Variants in CLVS1 observed in about 807,000 individuals in gnomAD.
CLVS1 encodes the protein clavesin 1.
A neutral mutation model predicts 33.1 loss-of-function variants in CLVS1; 10 were observed. The observed-to-expected ratio is 0.30, with a 90% CI of 0.19 to 0.51. The LOEUF is 0.51. Among genes scored for constraint, CLVS1 ranks in the 20% least tolerant of loss-of-function variants. CLVS1 has a pLI of 0.97. For missense variants in CLVS1, 343 were observed against 433.4 expected (o/e 0.79, Z 1.85); for synonymous variants, 163 against 166.1 (o/e 0.98, Z 0.14).
At chr8:61,279,265 A>G (rs1447086891) in intron 2 of CLVS1, among the ~76,000 whole-genome samples, 6 of 152,174 alleles carry the variant, frequency 3.9e-5, no homozygotes, top group Non-Finnish European at 7.4e-5. Context: ...GCTTCCCATC[A>G]GGCAGTGAGG....
chr8:61,056,229 G>A (rs185136562), upstream of CLVS1, among the ~76,000 whole-genome samples: 21 of 152,344 alleles, frequency 1.4e-4, no homozygotes, highest in Admixed American at 3.9e-4. Context: ...CAGTGGCCAA[G>A]TTCTTACACC....
rs201489796 is a variant in CLVS1 at position 61,458,465 on chromosome 8, C to T, written c.900C>T (p.His300=). The T allele has an allele frequency of 1.2e-5, 20 of 1,613,890 alleles. No individual in the cohort carries two copies. Among genetic ancestry groups the T allele is most frequent in the East Asian group, 2.2e-5 (1 of 44,880 alleles). ...ACAGCGATGAAAATGACTATACTCACACATCCTATAATGCAATGCACGTGA... is the reference window on the plus strand; with the variant it reads ...ACAGCGATGAAAATGACTATACTCATACATCCTATAATGCAATGCACGTGA... ...PDYSDENDYT[H]TSYNAMHVKH... Residue 300 remains histidine (H), a synonymous_variant, in exon 5 of 6, where the codon CAC becomes CAT. Transcript: ENST00000325897.
intron 1 of CLVS1, among the ~76,000 whole-genome samples, chr8:61,066,708 C>A (rs746817258): frequency 1.3e-5 from 2 of 152,184 alleles, no homozygotes; most frequent in African/African-American, 4.8e-5. Context: ...TGTACACATT[C>A]TCAATGTACA....
intron 5 of CLVS1, among the ~76,000 whole-genome samples, chr8:61,476,287 T>C (rs1278232856): frequency 1.3e-5 from 2 of 152,226 alleles, no homozygotes; most frequent in East Asian, 1.9e-4. Flanking sequence ...TGGGCTCTTT[T>C]TGGGTTCCAT....
At chr8:61,012,363 A>G in the CLVS1 span, among the ~76,000 whole-genome samples, 4 of 152,228 alleles carry the variant, frequency 2.6e-5, no homozygotes, top group Admixed American at 2.6e-4. Context: ...TTAGTACCTT[A>G]CATACATTTT....
chr8:61,155,228 C>T (rs1032606836), intron 2 of CLVS1, among the ~76,000 whole-genome samples: 1 of 152,294 alleles, frequency 6.6e-6, no homozygotes, highest in South Asian at 2.1e-4. Context: ...CTAAAGGATA[C>T]GCATAGCACC....
intron 3 of CLVS1, among the ~76,000 whole-genome samples, chr8:61,431,027 A>G (rs190369520): frequency 3.9e-4 from 60 of 152,334 alleles, no homozygotes; most frequent in Middle Eastern, 3.4e-3. Flanking sequence ...CTTGCTCCCT[A>G]GAACTGTATG....
At position 61,119,208 on chromosome 8, in the gene CLVS1, TG is replaced by T. The variant is rs1234116711; in HGVS notation, c.-242-12561del. Among the ~76,000 whole-genome samples the T allele has an allele frequency of 2.0e-5, 3 of 152,342 alleles. No individual in the cohort carries two copies. In the East Asian group the frequency reaches 5.8e-4, roughly 29 times the overall value. ...TAGGATGGCAACCCCTGCCTTTATT[TG>T]TTTTCCATTTGCTTGGTAGATCTTC... On this transcript the variant is annotated intron_variant, in intron 1 of 2. Coordinates refer to the CLVS1 transcript ENST00000522621.
At chr8:61,010,640 A>C in the CLVS1 span, among the ~76,000 whole-genome samples, 3 of 152,170 alleles carry the variant, frequency 2.0e-5, no homozygotes, top group African/African-American at 7.2e-5. Flanking sequence ...TTAATGGTGG[A>C]GATGAGGGGG....
intron 2 of CLVS1, chr8:61,202,964 C>G: frequency 6.9e-7 from 1 of 1,456,314 alleles, no homozygotes; most frequent in Non-Finnish European, 9.5e-7. Context: ...GCACAAAAGT[C>G]AAATCAGAAT....
chr8:61,245,528 A>C (rs1249483715), intron 2 of CLVS1, among the ~76,000 whole-genome samples: 1 of 151,974 alleles, frequency 6.6e-6, no homozygotes, highest in African/African-American at 2.4e-5. Context: ...TTATTTTAAC[A>C]TTAAATCTGA....
At chr8:61,351,855 G>A (rs1812479773) in intron 2 of CLVS1, among the ~76,000 whole-genome samples, 1 of 151,788 alleles carries the variant, frequency 6.6e-6, no homozygotes, top group Non-Finnish European at 1.5e-5. Context: ...CAGAAATAAA[G>A]AAGAAATAAA....
chr8:61,031,109 T>G, the CLVS1 span, among the ~76,000 whole-genome samples: 1 of 151,964 alleles, frequency 6.6e-6, no homozygotes, highest in African/African-American at 2.4e-5. Context: ...AGAATTTTGG[T>G]GAGAGGAAGG....
chr8:61,060,741 C>A (rs142684602), intron 1 of CLVS1, among the ~76,000 whole-genome samples: 33 of 152,228 alleles, frequency 2.2e-4, no homozygotes, highest in African/African-American at 7.9e-4. Flanking sequence ...TAATTTACTT[C>A]TTTCAAGAAA....
intron 2 of CLVS1, among the ~76,000 whole-genome samples, chr8:61,223,783 G>T (rs1343149588): frequency 6.6e-6 from 1 of 152,156 alleles, no homozygotes; most frequent in African/African-American, 2.4e-5. Context: ...TTTCCATCTT[G>T]TTTCCATTCT....
chr8:61,233,712 C>T (rs989179401), intron 2 of CLVS1, among the ~76,000 whole-genome samples: 1 of 152,208 alleles, frequency 6.6e-6, no homozygotes, highest in Non-Finnish European at 1.5e-5. Flanking sequence ...AGCCTGCCCT[C>T]CTGGCTGGGA....
the CLVS1 span, among the ~76,000 whole-genome samples, chr8:61,044,505 A>T: frequency 3.5e-3 from 539 of 152,248 alleles, 4 homozygotes; most frequent in Non-Finnish European, 6.3e-3. Flanking sequence ...CTACATGAAC[A>T]GGTGGCCCAG....
intron 1 of CLVS1, among the ~76,000 whole-genome samples, chr8:61,120,996 C>T (rs1273544710): frequency 6.6e-5 from 10 of 151,158 alleles, no homozygotes; most frequent in East Asian, 2.0e-4. Flanking sequence ...GTAGTTTGAT[C>T]TCAGACTGCT....
intron 1 of CLVS1, among the ~76,000 whole-genome samples, chr8:61,120,583 C>T (rs1437148287): frequency 1.9e-5 from 2 of 104,858 alleles, no homozygotes; most frequent in Non-Finnish European, 1.8e-5. Flanking sequence ...GTTAGTTTTC[C>T]TTCTAACAGA....
Sources: allele counts gnomAD v4.1 joint callset (sites outside exome capture counted in the v4.1 genomes callset), GRCh38; gene constraint gnomAD v4.1.1; transcripts MANE v1.5; gene names NCBI Gene and HGNC (gene_info 2026-07-23, HGNC 2026-07-21).